The following ANKRD30B variants were observed in gnomAD, a reference collection of about 807,000 sequenced individuals.
ANKRD30B encodes ankyrin repeat domain-containing protein 30B.
Under a neutral mutation model 202.2 loss-of-function variants are expected in ANKRD30B, and 144 were observed. That is an observed-to-expected ratio of 0.71 (90% confidence interval 0.62 to 0.82). ANKRD30B has a LOEUF of 0.82. Among genes scored for constraint, ANKRD30B ranks in the 40% least tolerant of loss-of-function variants. The pLI, the probability that ANKRD30B is intolerant of heterozygous loss-of-function variation, is 0.00. For synonymous variants in ANKRD30B, 508 were observed against 561.3 expected (o/e 0.91, Z 1.34); for missense variants, 1,487 against 1,669.1 (o/e 0.89, Z 1.90).
intron 34 of ANKRD30B, among the ~76,000 whole-genome samples, chr18:14,833,337 C>A (rs1971035879): frequency 6.6e-6 from 1 of 152,132 alleles, no homozygotes. Context: ...CAAGCCCCAC[C>A]TCCCGGGTTC....
intron 39 of ANKRD30B, 90 bp from the exon 40 acceptor site, chr18:14,848,626 G>A (rs1456150462): frequency 2.0e-6 from 2 of 1,007,508 alleles, no homozygotes; most frequent in East Asian, 3.0e-5. Context: ...TATATTTGTT[G>A]AGTGTATGAG....
the ANKRD30B span, among the ~76,000 whole-genome samples, chr18:14,912,884 A>T: frequency 2.6e-5 from 4 of 152,240 alleles, no homozygotes; most frequent in African/African-American, 9.6e-5. Flanking sequence ...AGCTTGTGTG[A>T]TGCATGAAAG....
In ANKRD30B at chr18:14,854,484, C is replaced by T. The variant is rs1395001103; in HGVS notation, c.*326C>T. ...ACCAGTCTTTGCTCCAGAAATGAAT[C>T]CTTATCATGAATCCCTGACACGTTC... On this transcript the variant is annotated 3_prime_UTR_variant, in exon 44 of 44. Coordinates refer to ENST00000690538, the MANE Select transcript of ANKRD30B (RefSeq NM_001367607.2). 6.6e-6 allele frequency among the ~76,000 whole-genome samples: 1 copy of T among 152,118 alleles called. No homozygotes were observed. Among genetic ancestry groups the T allele is most frequent in the Non-Finnish European group, 1.5e-5 (1 of 68,024 alleles).
chr18:14,795,737 CTTAAA>C (rs1968831625), intron 16 of ANKRD30B, among the ~76,000 whole-genome samples: 1 of 152,108 alleles, frequency 6.6e-6, no homozygotes, highest in South Asian at 2.1e-4. Flanking sequence ...CTTTGCAATT[CTTAAA>C]TTACAGGACA....
the ANKRD30B span, among the ~76,000 whole-genome samples, chr18:14,936,872 A>C: frequency 6.6e-6 from 1 of 152,182 alleles, no homozygotes; most frequent in Non-Finnish European, 1.5e-5. Context: ...CTGGGCTGAG[A>C]TTCACAGAGG....
At chr18:14,821,087 C>G (rs943574060) in intron 30 of ANKRD30B, among the ~76,000 whole-genome samples, 12 of 152,124 alleles carry the variant, frequency 7.9e-5, no homozygotes, top group African/African-American at 2.9e-4. Flanking sequence ...CTGGTTTAGT[C>G]TTGGGAGAGT....
the ANKRD30B span, among the ~76,000 whole-genome samples, chr18:14,876,666 G>T: frequency 0.53 from 79,798 of 151,994 alleles, 21,133 homozygotes; most frequent in African/African-American, 0.55. Flanking sequence ...TGAACAGAGA[G>T]AAAGGCATCA....
At position 14,837,259 on chromosome 18, in the gene ANKRD30B, A is replaced by G; in HGVS notation, c.2896A>G (p.Ile966Val). Residue 966 changes from isoleucine (I) to valine (V), a missense_variant, in exon 35 of 44, where the codon ATT becomes GTT. Coordinates refer to ENST00000690538, the MANE Select transcript of ANKRD30B (RefSeq NM_001367607.2). ...TGGACAACAGGAACGTGATATTGGCATTATTGAACGAGCTCCACAAGATCA... is the reference window on the plus strand; with the variant it reads ...TGGACAACAGGAACGTGATATTGGCGTTATTGAACGAGCTCCACAAGATCA... ...VTGQQERDIG[I>V]IERAPQDQTN... 6.5e-7 allele frequency: 1 copy of G among 1,549,784 alleles called. No homozygotes were observed. The highest frequency in any genetic ancestry group is 8.7e-7 in the Non-Finnish European group (1 of 1,146,068).
At chr18:14,795,440 G>A (rs984560809) in intron 16 of ANKRD30B, among the ~76,000 whole-genome samples, 28 of 152,040 alleles carry the variant, frequency 1.8e-4, no homozygotes, top group Admixed American at 7.9e-4. Flanking sequence ...TGAGAGATCC[G>A]CCCTCTTCAG....
rs191624367 is a variant in ANKRD30B, at chr18:14,810,555, C to A, written c.2488+375C>A. Among the ~76,000 whole-genome samples the A allele has an allele frequency of 2.0e-5, 3 of 151,172 alleles. No individual in the cohort carries two copies. The South Asian group carries it at 6.3e-4, about 32-fold the overall frequency. On this transcript the variant is annotated intron_variant, in intron 28 of 43. Coordinates refer to ENST00000690538, the MANE Select transcript of ANKRD30B (RefSeq NM_001367607.2). ...CTTTGAGGAAAGTTTCACTTGCTGA[C>A]GTGACAGTTGTGAGTGTTGTCATTC...
At chr18:14,847,125 T>C (rs1971682879) in intron 39 of ANKRD30B, among the ~76,000 whole-genome samples, 1 of 148,332 alleles carries the variant, frequency 6.7e-6, no homozygotes, top group African/African-American at 2.5e-5. Flanking sequence ...GATCTGGTTG[T>C]ATATTTCTTC....
At chr18:14,892,501 G>A in the ANKRD30B span, among the ~76,000 whole-genome samples, 1 of 152,096 alleles carries the variant, frequency 6.6e-6, no homozygotes, top group African/African-American at 2.4e-5. Context: ...CACTTTGGGA[G>A]GCTGAGTCAG....
At chr18:14,855,930 A>G (rs1435092543), downstream of ANKRD30B, among the ~76,000 whole-genome samples, 863 of 86,282 alleles carry the variant, frequency 0.01, no homozygotes, top group Middle Eastern at 0.017. Flanking sequence ...CTCCCAGATG[A>G]GGCGGCCTGG....
the ANKRD30B span, among the ~76,000 whole-genome samples, chr18:14,869,169 C>A: frequency 1.3e-5 from 2 of 152,292 alleles, no homozygotes; most frequent in East Asian, 1.9e-4. Context: ...CTTACCTGGG[C>A]TGTGTTTTCT....
Position 14,772,229 on chromosome 18 carries a change from G to A in ANKRD30B, c.1329+1G>A, listed in dbSNP as rs1967047835. ...GGAAGACTTTAATCTTGCTACCAAG[G>A]TAAAATGTTCTTTTGTGAAGTTGAT... On this transcript the variant is annotated splice_donor_variant, in intron 9 of 43. Coordinates refer to ENST00000690538, the MANE Select transcript of ANKRD30B (RefSeq NM_001367607.2). LOFTEE classifies it high-confidence loss of function. 1 of 1,487,698 alleles carries A rather than the reference G, an allele frequency of 6.7e-7. No individual in the cohort carries two copies. Among genetic ancestry groups the A allele is most frequent in the Non-Finnish European group, 9.0e-7 (1 of 1,108,948 alleles). The allele number at this position is 1,487,698 out of a possible 1,614,324, so 92.2% of individuals were successfully genotyped here. A position where few individuals can be genotyped will look rare whatever the true frequency, so the allele number is the denominator to read the frequency against.
chr18:14,890,326 CAAAT>C, the ANKRD30B span, among the ~76,000 whole-genome samples: 4 of 151,766 alleles, frequency 2.6e-5, no homozygotes, highest in African/African-American at 9.7e-5. Context: ...ATGTCTGTAT[CAAAT>C]AAATAGTTAC....
chr18:14,782,791 G>T (rs542599770), intron 12 of ANKRD30B, among the ~76,000 whole-genome samples, 177 bp downstream of exon 12: 1 of 152,038 alleles, frequency 6.6e-6, no homozygotes, highest in African/African-American at 2.4e-5. Flanking sequence ...AATATATAGA[G>T]AGTGCAAGAA....
rs534150400 is a variant in ANKRD30B, at chr18:14,815,868, G to A, written c.2641+1157G>A. ...GAGTGGATCAAGGAATATTGAGATGGCTAAGCTACAAAGTACAAAAATGTT... is the reference window on the plus strand; with the variant it reads ...GAGTGGATCAAGGAATATTGAGATGACTAAGCTACAAAGTACAAAAATGTT... On this transcript the variant is annotated intron_variant, in intron 30 of 43. Coordinates refer to ENST00000690538, the MANE Select transcript of ANKRD30B (RefSeq NM_001367607.2). 2.6e-5 allele frequency among the ~76,000 whole-genome samples: 4 copies of A among 152,090 alleles called. No homozygotes were observed. In the East Asian group the frequency reaches 5.8e-4, roughly 22 times the overall value.
At chr18:14,825,823 G>A (rs561269485) in intron 32 of ANKRD30B, among the ~76,000 whole-genome samples, 1 of 152,284 alleles carries the variant, frequency 6.6e-6, no homozygotes, top group South Asian at 2.1e-4. Flanking sequence ...TAAAGCAAAT[G>A]CAGAAAAGAG....
Sources: allele counts gnomAD v4.1 joint callset (sites outside exome capture counted in the v4.1 genomes callset), GRCh38; gene constraint gnomAD v4.1.1; transcripts MANE v1.5; gene names NCBI Gene and HGNC (gene_info 2026-07-23, HGNC 2026-07-21).